Variants in PCDHGA2 observed in about 807,000 individuals in gnomAD.
PCDHGA2 encodes protocadherin gamma subfamily A, 2.
In PCDHGA2, 40 loss-of-function variants were observed where a neutral mutation model predicts 59.2. The ratio of observed to expected loss-of-function variants is 0.68; its 90% CI spans 0.52 to 0.88. The LOEUF is 0.88. Ranked by LOEUF, PCDHGA2 falls within the 40% of genes least tolerant of loss-of-function variation. PCDHGA2 has a pLI of 0.00. For missense variants in PCDHGA2, 1,226 were observed against 1,204.0 expected, an observed-to-expected ratio of 1.02 and a Z score of -0.27; for synonymous variants, 560 against 526.0, an observed-to-expected ratio of 1.06 and a Z score of -0.89.
intron 1 of PCDHGA2, chr5:141,410,822 A>C: frequency 2.2e-6 from 1 of 461,410 alleles, no homozygotes; most frequent in Non-Finnish European, 3.6e-6. Context: ...AAATAATGTC[A>C]CCAGACTGAA....
At chr5:141,361,876 G>T in intron 1 of PCDHGA2, 1 of 1,610,918 alleles carries the variant, frequency 6.2e-7, no homozygotes, top group Non-Finnish European at 8.5e-7. Context: ...GGTGCCACGC[G>T]CCGCAGAGCC....
chr5:141,429,528 A>T (rs1405050386), intron 1 of PCDHGA2, among the ~76,000 whole-genome samples: 1 of 152,166 alleles, frequency 6.6e-6, no homozygotes, highest in African/African-American at 2.4e-5. Context: ...AAAAAAGCTT[A>T]AAAAAATAAG....
At chr5:141,366,178 C>G (rs778986920) in intron 1 of PCDHGA2, 1 of 1,614,044 alleles carries the variant, frequency 6.2e-7, no homozygotes, top group Non-Finnish European at 8.5e-7. Context: ...AGCCAGGACT[C>G]TTTGCGGTTG....
intron 1 of PCDHGA2, among the ~76,000 whole-genome samples, chr5:141,354,366 A>C (rs1006672709): frequency 2.0e-5 from 3 of 152,242 alleles, no homozygotes; most frequent in African/African-American, 7.2e-5. Flanking sequence ...TGTGAACAAG[A>C]TAGTCATATG....
At chr5:141,425,805 C>T (rs1419480761) in intron 1 of PCDHGA2, among the ~76,000 whole-genome samples, 1 of 152,158 alleles carries the variant, frequency 6.6e-6, no homozygotes, top group African/African-American at 2.4e-5. Context: ...TGCATTGCTT[C>T]TGCTTAGAAA....
chr5:141,374,815 G>T, intron 1 of PCDHGA2: 1 of 1,613,934 alleles, frequency 6.2e-7, no homozygotes, highest in Non-Finnish European at 8.5e-7. Context: ...TGTTTACTCA[G>T]CCTGTCTACC....
intron 1 of PCDHGA2, chr5:141,393,501 G>C (rs754946327): frequency 1.9e-6 from 3 of 1,614,044 alleles, no homozygotes; most frequent in Non-Finnish European, 2.5e-6. Flanking sequence ...GCGCATCCAC[G>C]TGACAGTGTT....
intron 1 of PCDHGA2, chr5:141,393,074 G>C (rs775449711): frequency 7.4e-6 from 12 of 1,613,592 alleles, no homozygotes; most frequent in African/African-American, 2.7e-5. Flanking sequence ...TGATCACCGC[G>C]GGCAGGATAG....
chr5:141,498,827 G>C (rs2099786072), intron 2 of PCDHGA2, among the ~76,000 whole-genome samples: 1 of 152,102 alleles, frequency 6.6e-6, no homozygotes, highest in Non-Finnish European at 1.5e-5. Context: ...CAGCTACTCA[G>C]GAGGCTGAGG....
At chr5:141,365,503 T>G (rs755169931) in intron 1 of PCDHGA2, 1 of 1,613,948 alleles carries the variant, frequency 6.2e-7, no homozygotes, top group Non-Finnish European at 8.5e-7. Flanking sequence ...GGAATTTGCC[T>G]TTTAAATTGG....
intron 1 of PCDHGA2, among the ~76,000 whole-genome samples, chr5:141,459,348 C>G (rs1015330513): frequency 2.6e-5 from 4 of 152,194 alleles, no homozygotes; most frequent in Admixed American, 2.0e-4. Context: ...TCTTGAAATT[C>G]ATTCATGTTC....
rs115568443 is a variant in PCDHGA2 at position 141,439,423 on chromosome 5, A to G, written c.2425-55384A>G. On this transcript the variant is annotated intron_variant, in intron 1 of 3. Coordinates refer to ENST00000394576, the MANE Select transcript of PCDHGA2 (RefSeq NM_018915.4). ...TGTGCTAACATCACTGAGGTTATAA[A>G]TTCCCAGGAATATTTTATTGCGGGA... 1.0e-2 allele frequency among the ~76,000 whole-genome samples: 1,522 copies of G among 152,306 alleles called. 34 individuals carry two copies. Among genetic ancestry groups the G allele is most frequent in the African/African-American group, 0.034 (1,425 of 41,558 alleles).
intron 1 of PCDHGA2, among the ~76,000 whole-genome samples, chr5:141,382,367 C>A (rs778668401): frequency 2.6e-5 from 4 of 151,894 alleles, no homozygotes; most frequent in Non-Finnish European, 5.9e-5. Context: ...TAAAATTTAC[C>A]TTTTTGCCTT....
rs11343387 is a variant in PCDHGA2 at position 141,497,209 on chromosome 5, TGG to T, written c.2483+2352_2483+2353del. On this transcript the variant is annotated intron_variant, in intron 2 of 3. Transcript: ENST00000394576. ...GAGGCAGAGAACAATGTGAGTGTAATGGGGGGGGGAAGATCAGAGAAGGCTTC... is the reference window on the plus strand; with the variant it reads ...GAGGCAGAGAACAATGTGAGTGTAATGGGGGGGAAGATCAGAGAAGGCTTC... Among the ~76,000 whole-genome samples the T allele has an allele frequency of 3.8e-3, 569 of 151,352 alleles. 5 individuals are homozygous for T. Among genetic ancestry groups the T allele is most frequent in the Admixed American group, 0.011 (162 of 15,190 alleles).
chr5:141,422,969 G>C (rs1269760845), intron 1 of PCDHGA2: 2 of 1,614,202 alleles, frequency 1.2e-6, no homozygotes, highest in South Asian at 2.2e-5. Flanking sequence ...CTGGCGCCCC[G>C]CTCTGCGGAA....
chr5:141,350,896 G>A (rs780813095), intron 1 of PCDHGA2: 11 of 1,614,042 alleles, frequency 6.8e-6, no homozygotes, highest in South Asian at 4.4e-5. Context: ...TGACTGCCAT[G>A]GATGGCGGGG....
At chr5:141,504,288 GT>G (rs1175142876) in intron 2 of PCDHGA2, among the ~76,000 whole-genome samples, 1 of 152,124 alleles carries the variant, frequency 6.6e-6, no homozygotes, top group Non-Finnish European at 1.5e-5. Flanking sequence ...ATCATTTCAT[GT>G]TTTTTCAACA....
chr5:141,511,411 A>T lies in PCDHGA2; in HGVS notation c.*238A>T. On this transcript the variant is annotated 3_prime_UTR_variant, in exon 4 of 4. Transcript: ENST00000394576. ...GAACCCCCATCCAATCAACTGCTGTACCCATGGGGGTAGTGGGGTTACTGT... is the reference window on the plus strand; with the variant it reads ...GAACCCCCATCCAATCAACTGCTGTTCCCATGGGGGTAGTGGGGTTACTGT... 1.1e-6 allele frequency: 1 copy of T among 901,334 alleles called. No individual in the cohort carries two copies. Among genetic ancestry groups the T allele is most frequent in the Non-Finnish European group, 1.6e-6 (1 of 617,750 alleles). 55.8% of individuals were successfully genotyped at this position (901,334 alleles called of 1,614,324 possible).
intron 1 of PCDHGA2, chr5:141,378,252 C>A (rs939045432): frequency 6.6e-6 from 1 of 152,178 alleles, no homozygotes; most frequent in Admixed American, 6.5e-5. Context: ...TGGCCGGGTG[C>A]GGTGGCTCAT....
Sources: allele counts gnomAD v4.1 joint callset (sites outside exome capture counted in the v4.1 genomes callset), GRCh38; gene constraint gnomAD v4.1.1; transcripts MANE v1.5; gene names NCBI Gene and HGNC (gene_info 2026-07-23, HGNC 2026-07-21).